Variants in CCAR1 observed in about 807,000 individuals in gnomAD.
The protein encoded by CCAR1 is cell division cycle and apoptosis regulator 1.
Under a neutral mutation model 163.8 loss-of-function variants are expected in CCAR1, and 78 were observed. That is an observed-to-expected ratio of 0.48 (90% confidence interval 0.40 to 0.57). CCAR1 has a LOEUF of 0.57. Ranked by LOEUF, CCAR1 falls within the 20% of genes least tolerant of loss-of-function variation. The pLI, the probability that CCAR1 is intolerant of heterozygous loss-of-function variation, is 0.00. For synonymous variants in CCAR1, 443 were observed against 460.7 expected, an observed-to-expected ratio of 0.96 and a Z score of 0.49; for missense variants, 1,019 against 1,365.2, an observed-to-expected ratio of 0.75 and a Z score of 4.00.
In CCAR1 at chr10:68,740,658, A is replaced by C. The variant is rs374302557; in HGVS notation, c.321A>C (p.Thr107=). 2.5e-6 allele frequency: 4 copies of C among 1,609,768 alleles called. No individual in the cohort carries two copies. The highest frequency in any genetic ancestry group is 2.7e-5 in the African/African-American group (2 of 74,834). Residue 107 remains threonine, a synonymous_variant, in exon 5 of 25, where the codon ACA becomes ACC. Transcript: ENST00000265872. ...AGCAACCCCAGCAAACCCTCTTAACACAGGTTAGTTGGTATTACTTTATTT... is the reference window on the plus strand; with the variant it reads ...AGCAACCCCAGCAAACCCTCTTAACCCAGGTTAGTTGGTATTACTTTATTT... ...QLQQPQQTLL[T]QPAVALPTSL...
At chr10:68,730,616 G>A (rs1054956892) in intron 2 of CCAR1, among the ~76,000 whole-genome samples, 6 of 152,062 alleles carry the variant, frequency 3.9e-5, no homozygotes, top group African/African-American at 1.2e-4. Flanking sequence ...GATTACAGGC[G>A]TGAGCCACCG....
chr10:68,723,721 A>T (rs1326409394), intron 2 of CCAR1, among the ~76,000 whole-genome samples: 1 of 151,268 alleles, frequency 6.6e-6, no homozygotes, highest in African/African-American at 2.4e-5. Context: ...GGTGGCAGGC[A>T]CCTGTAGTCC....
At chr10:68,754,936 T>G in intron 12 of CCAR1, 109 bp downstream of exon 12, 1 of 644,700 alleles carries the variant, frequency 1.6e-6, no homozygotes, top group Non-Finnish European at 2.7e-6. Context: ...GATTAATGAG[T>G]AATTTTAGTA....
At chr10:68,757,253 G>T in intron 14 of CCAR1, 41 bp from the exon 15 acceptor site, 1 of 975,744 alleles carries the variant, frequency 1.0e-6, no homozygotes, top group South Asian at 1.4e-5. Flanking sequence ...TTTATTTTAA[G>T]GTTTCATAAT....
At chr10:68,752,041 C>T (rs1229808255) in intron 10 of CCAR1, among the ~76,000 whole-genome samples, 25 of 150,386 alleles carry the variant, frequency 1.7e-4, no homozygotes, top group South Asian at 2.1e-4. Flanking sequence ...CTCAGCCTCC[C>T]GAGTAGCTGG....
intron 19 of CCAR1, among the ~76,000 whole-genome samples, chr10:68,784,915 C>A (rs1039047441): frequency 2.4e-5 from 3 of 124,764 alleles, no homozygotes; most frequent in Non-Finnish European, 4.9e-5. Context: ...GTGAACATAA[C>A]TTTTTTTTTT....
At chr10:68,735,301 A>T (rs187397722) in intron 2 of CCAR1, among the ~76,000 whole-genome samples, 2 of 149,814 alleles carry the variant, frequency 1.3e-5, no homozygotes, top group East Asian at 4.0e-4. Context: ...ATAAGCTGTG[A>T]TTGCACAACT....
intron 19 of CCAR1, among the ~76,000 whole-genome samples, chr10:68,775,880 A>G (rs889998591): frequency 6.6e-6 from 1 of 151,740 alleles, no homozygotes; most frequent in Non-Finnish European, 1.5e-5. Flanking sequence ...TATTTATGGT[A>G]GAGACGGAGT....
intron 3 of CCAR1, among the ~76,000 whole-genome samples, chr10:68,737,320 C>T (rs1010829794): frequency 1.3e-5 from 2 of 151,776 alleles, no homozygotes; most frequent in Non-Finnish European, 2.9e-5. Context: ...GCCTGTGCAA[C>T]GTGGTGAGAC....
intron 18 of CCAR1, among the ~76,000 whole-genome samples, chr10:68,771,825 A>G (rs1417563388): frequency 6.6e-6 from 1 of 152,108 alleles, no homozygotes; most frequent in Non-Finnish European, 1.5e-5. Flanking sequence ...TTAAGCCAAT[A>G]TGAGCATCTA....
rs151095045 is a variant in CCAR1, at chr10:68,754,163, G to A, written c.1344+86G>A. On this transcript the variant is annotated intron_variant, in intron 11 of 24. Transcript: ENST00000265872. ...TATGTAGAATTATCCTTCAGAAAGT[G>A]TTTGTTAGGTAGACCCGAATACCTG... 7.0e-4 allele frequency: 641 copies of A among 918,850 alleles called. No individual in the cohort carries two copies. The African/African-American group carries it at 8.5e-3, about 12-fold the overall frequency. The allele number at this position is 918,850 out of a possible 1,614,324, so 56.9% of individuals were successfully genotyped here.
At chr10:68,726,460 C>G (rs899541115) in intron 2 of CCAR1, among the ~76,000 whole-genome samples, 5 of 152,100 alleles carry the variant, frequency 3.3e-5, no homozygotes, top group Non-Finnish European at 5.9e-5. Context: ...TCTTGACATG[C>G]TTAAACCTTT....
Position 68,747,359 on chromosome 10 carries a change from A to G in CCAR1, c.634-15A>G, listed in dbSNP as rs201058682. The G allele has an allele frequency of 1.6e-5, 26 of 1,604,246 alleles. No homozygotes were observed. Among genetic ancestry groups the G allele is most frequent in the Non-Finnish European group, 2.0e-5 (23 of 1,176,028 alleles). On this transcript the variant is annotated splice_polypyrimidine_tract_variant and intron_variant, in intron 7 of 24. Transcript: ENST00000265872. ...CAAAGATTTTTTTTCTTATTCTTTC[A>G]TTTTTTAATTGAAGAATCAGTCGCA... is the stretch of plus-strand genomic sequence containing the variant.
intron 3 of CCAR1, among the ~76,000 whole-genome samples, chr10:68,737,434 T>C (rs2056125557): frequency 6.7e-6 from 1 of 150,132 alleles, no homozygotes; most frequent in Non-Finnish European, 1.5e-5. Flanking sequence ...CATTGGGAGG[T>C]TGAGGCTGCA....
At chr10:68,723,481 T>TA (rs1238478797) in intron 2 of CCAR1, among the ~76,000 whole-genome samples, 6 of 152,072 alleles carry the variant, frequency 3.9e-5, no homozygotes, top group Non-Finnish European at 7.4e-5. Context: ...TTAATTCTGT[T>TA]AGAGTTTAGC....
intron 19 of CCAR1, among the ~76,000 whole-genome samples, chr10:68,781,975 T>C (rs1046983814): frequency 1.3e-5 from 2 of 152,146 alleles, no homozygotes; most frequent in African/African-American, 4.8e-5. Flanking sequence ...CAAAAGCTAG[T>C]TTTTTTGGCG....
intron 1 of CCAR1, chr10:68,721,537 A>C (rs1018088329): frequency 4.5e-6 from 2 of 447,026 alleles, no homozygotes; most frequent in Non-Finnish European, 8.9e-6. Context: ...CAGCCTCGGC[A>C]TGGCGACGCT....
At chr10:68,752,978 A>G (rs1397927700) in intron 10 of CCAR1, among the ~76,000 whole-genome samples, 1 of 151,190 alleles carries the variant, frequency 6.6e-6, no homozygotes, top group Admixed American at 6.6e-5. Context: ...AAATAGATGA[A>G]TAGGTAGGCA....
At chr10:68,739,428 C>T (rs1215664782) in intron 4 of CCAR1, among the ~76,000 whole-genome samples, 1 of 151,898 alleles carries the variant, frequency 6.6e-6, no homozygotes, top group Non-Finnish European at 1.5e-5. Context: ...GGATTACAGG[C>T]GTGAGGCACT....
Sources: gnomAD v4.1 joint callset for allele counts (sites outside exome capture counted in the v4.1 genomes callset) on GRCh38, gnomAD v4.1.1 for gene constraint, MANE v1.5 for transcripts, NCBI Gene and HGNC (gene_info 2026-07-23, HGNC 2026-07-21) for gene names.